Variants in GRID2 observed in about 807,000 individuals in gnomAD.
The protein encoded by GRID2 is glutamate receptor ionotropic, delta-2.
In GRID2, 33 loss-of-function variants were observed where a neutral mutation model predicts 114.8. The observed-to-expected ratio is 0.29, with a 90% CI of 0.22 to 0.38. The LOEUF (loss-of-function observed/expected upper bound fraction) is 0.38. Among genes scored for constraint, GRID2 ranks in the 10% least tolerant of loss-of-function variants. The pLI is 1.00. For missense variants in GRID2, 1,184 were observed against 1,257.7 expected (o/e 0.94, Z 0.89); for synonymous variants, 505 against 449.9 (o/e 1.12, Z -1.55).
chr4:92,933,672 C>T (rs951534317), intron 2 of GRID2, among the ~76,000 whole-genome samples: 3 of 151,518 alleles, frequency 2.0e-5, no homozygotes, highest in Non-Finnish European at 4.4e-5. Flanking sequence ...TCCCTCCACT[C>T]GGTCTCTTTA....
In GRID2 at chr4:92,337,084, G is replaced by A. The variant is rs184116223; in HGVS notation, c.88+32340G>A. ...TCTCATGCTACTATATACTTCACAA[G>A]GTCAGGGACTGTATCTTAACTTGTC... On this transcript the variant is annotated intron_variant, in intron 1 of 15. Transcript: ENST00000282020. 2.7e-3 allele frequency among the ~76,000 whole-genome samples: 396 copies of A among 148,462 alleles called. 2 individuals are homozygous for A. Among genetic ancestry groups the A allele is most frequent in the African/African-American group, 9.1e-3 (371 of 40,600 alleles).
rs1389317086 is a variant in GRID2, at chr4:93,789,963, GACCC to G, written c.222-16751_222-16748del. Among the ~76,000 whole-genome samples, 3 of 152,244 alleles carry G rather than the reference GACCC, an allele frequency of 2.0e-5. No individual in the cohort carries two copies. The East Asian group carries it at 5.8e-4, about 30-fold the overall frequency. On this transcript the variant is annotated intron_variant, in intron 1 of 1. Coordinates refer to the GRID2 transcript ENST00000637838. ...CAGCATTAGATTCTCATAGGAGTGT[GACCC>G]TATTGTGAACTGCACATGTGAGGGA...
chr4:93,419,304 G>C (rs188499296), intron 9 of GRID2, among the ~76,000 whole-genome samples: 10 of 152,030 alleles, frequency 6.6e-5, no homozygotes, highest in Admixed American at 5.2e-4. Context: ...TAGCTGCTCA[G>C]TGAATGTTAA....
At chr4:92,678,462 G>C (rs952667642) in intron 2 of GRID2, among the ~76,000 whole-genome samples, 2 of 151,866 alleles carry the variant, frequency 1.3e-5, no homozygotes, top group South Asian at 4.1e-4. Flanking sequence ...AATTACTATC[G>C]TAGAAGCAAG....
At chr4:93,232,338 T>C (rs1746248379) in intron 7 of GRID2, among the ~76,000 whole-genome samples, 1 of 152,108 alleles carries the variant, frequency 6.6e-6, no homozygotes, top group Admixed American at 6.6e-5. Flanking sequence ...GATGTTTAAA[T>C]CAAATTCTTT....
intron 1 of GRID2, among the ~76,000 whole-genome samples, chr4:92,329,004 G>T (rs1188679298): frequency 6.6e-6 from 1 of 151,958 alleles, no homozygotes; most frequent in Non-Finnish European, 1.5e-5. Flanking sequence ...TTTACTCTCT[G>T]GATGTCCCTA....
chr4:93,265,225 C>A (rs1750691664), intron 8 of GRID2, among the ~76,000 whole-genome samples: 1 of 146,896 alleles, frequency 6.8e-6, no homozygotes, highest in Non-Finnish European at 1.5e-5. Flanking sequence ...GTACATTTAC[C>A]TGCAGTTGAG....
At chr4:93,203,147 A>G (rs753313671) in intron 4 of GRID2, among the ~76,000 whole-genome samples, 12 of 152,096 alleles carry the variant, frequency 7.9e-5, no homozygotes, top group Non-Finnish European at 1.5e-4. Context: ...GCTTTTTAAC[A>G]TTGCTTTATT....
At chr4:92,608,987 C>T (rs915445054) in intron 2 of GRID2, among the ~76,000 whole-genome samples, 1 of 151,460 alleles carries the variant, frequency 6.6e-6, no homozygotes, top group African/African-American at 2.4e-5. Context: ...TGTTGTTTAG[C>T]AAATAAAAGA....
At chr4:93,485,338 G>A (rs1029683541) in intron 11 of GRID2, among the ~76,000 whole-genome samples, 1 of 151,486 alleles carries the variant, frequency 6.6e-6, no homozygotes, top group Non-Finnish European at 1.5e-5. Context: ...ACTGTGGCTT[G>A]TCTTTTCACT....
intron 4 of GRID2, among the ~76,000 whole-genome samples, chr4:93,189,720 G>A (rs1035406394): frequency 2.7e-5 from 4 of 147,932 alleles, no homozygotes; most frequent in African/African-American, 1.0e-4. Context: ...ATGGAACTAA[G>A]GAATATACAG....
At chr4:93,154,737 C>CA (rs1737021096) in intron 4 of GRID2, among the ~76,000 whole-genome samples, 3 of 150,890 alleles carry the variant, frequency 2.0e-5, no homozygotes, top group South Asian at 2.1e-4. Flanking sequence ...GTATTCGTGG[C>CA]AAAAAAACAA....
intron 1 of GRID2, among the ~76,000 whole-genome samples, chr4:92,474,922 C>G (rs1034144498): frequency 3.1e-5 from 4 of 127,338 alleles, no homozygotes; most frequent in African/African-American, 1.2e-4. Flanking sequence ...TAAATTTTAC[C>G]TTTCATAGTT....
At chr4:93,416,624 C>T (rs1767736611) in intron 9 of GRID2, among the ~76,000 whole-genome samples, 1 of 151,998 alleles carries the variant, frequency 6.6e-6, no homozygotes, top group African/African-American at 2.4e-5. Context: ...ATGTCAGATG[C>T]TTTTTTCCAA....
At chr4:93,490,531 A>C in intron 11 of GRID2, 108 bp from the exon 12 acceptor site, 1 of 732,378 alleles carries the variant, frequency 1.4e-6, no homozygotes. Context: ...TGTTAAGCAG[A>C]AAAAATTCTC....
At chr4:92,947,377 C>A (rs1448127701) in intron 2 of GRID2, among the ~76,000 whole-genome samples, 1 of 151,908 alleles carries the variant, frequency 6.6e-6, no homozygotes, top group African/African-American at 2.4e-5. Flanking sequence ...TAATGCAGTT[C>A]TTCCCTAAGC....
intron 2 of GRID2, among the ~76,000 whole-genome samples, chr4:93,043,189 A>T (rs561004929): frequency 0.018 from 2,807 of 152,262 alleles, 36 homozygotes; most frequent in Non-Finnish European, 0.024. Flanking sequence ...GGATTTAGCA[A>T]TTAAGTGTTT....
chr4:92,631,999 A>G (rs1730829551), intron 2 of GRID2, among the ~76,000 whole-genome samples: 1 of 152,148 alleles, frequency 6.6e-6, no homozygotes, highest in Non-Finnish European at 1.5e-5. Flanking sequence ...AAAGGCTGAA[A>G]GGTTCTCAGT....
At chr4:92,482,122 T>C (rs191613988) in intron 1 of GRID2, among the ~76,000 whole-genome samples, 2 of 148,756 alleles carry the variant, frequency 1.3e-5, no homozygotes, top group African/African-American at 5.0e-5. Flanking sequence ...TACTATGGAA[T>C]ACTACACAGC....
Sources: gnomAD v4.1 joint callset for allele counts (sites outside exome capture counted in the v4.1 genomes callset) on GRCh38, gnomAD v4.1.1 for gene constraint, MANE v1.5 for transcripts, NCBI Gene and HGNC (gene_info 2026-07-23, HGNC 2026-07-21) for gene names.